The following ABCD3 variants were observed in gnomAD, a reference collection of about 807,000 sequenced individuals.
The protein encoded by ABCD3 is ATP binding cassette subfamily D member 3.
A neutral mutation model predicts 105.5 loss-of-function variants in ABCD3; 41 were observed. The ratio of observed to expected loss-of-function variants is 0.39; its 90% confidence interval spans 0.30 to 0.50. The LOEUF is 0.50. Ranked by LOEUF, ABCD3 falls within the 20% of genes least tolerant of loss-of-function variation. The pLI is 0.84. For missense variants in ABCD3, 622 were observed against 806.3 expected, an observed-to-expected ratio of 0.77 and a Z score of 2.77; for synonymous variants, 258 against 269.0, an observed-to-expected ratio of 0.96 and a Z score of 0.40.
chr1:94,391,565 C>A, the ABCD3 span, among the ~76,000 whole-genome samples: 1 of 151,934 alleles, frequency 6.6e-6, no homozygotes, highest in Admixed American at 6.6e-5. Context: ...GCAATATCTT[C>A]TGTCAAGCCC....
chr1:94,515,701 ATTAC>A (rs775525890), intron 22 of ABCD3, among the ~76,000 whole-genome samples: 7 of 151,962 alleles, frequency 4.6e-5, no homozygotes, highest in Non-Finnish European at 1.0e-4. Context: ...GTGCACGTGT[ATTAC>A]TTATTCTGGT....
At chr1:94,481,063 G>C (rs1176489943) in intron 9 of ABCD3, among the ~76,000 whole-genome samples, 1 of 152,158 alleles carries the variant, frequency 6.6e-6, no homozygotes, top group Non-Finnish European at 1.5e-5. Context: ...TTTGGAGCCA[G>C]CCATACTAGC....
chr1:94,510,475 G>T (rs955920979), intron 21 of ABCD3, among the ~76,000 whole-genome samples: 7 of 152,142 alleles, frequency 4.6e-5, no homozygotes, highest in African/African-American at 1.4e-4. Context: ...TGTTGATTTG[G>T]GGTGGAGAGT....
intron 1 of ABCD3, among the ~76,000 whole-genome samples, chr1:94,454,058 A>T (rs1647414814): frequency 6.6e-6 from 1 of 151,862 alleles, no homozygotes; most frequent in Non-Finnish European, 1.5e-5. Context: ...GGGCATGCAT[A>T]TGTGTATGTA....
At chr1:94,430,023 T>A (rs1179410850) in intron 1 of ABCD3, among the ~76,000 whole-genome samples, 2 of 152,214 alleles carry the variant, frequency 1.3e-5, no homozygotes, top group African/African-American at 4.8e-5. Context: ...CCCAAGACCA[T>A]GGGAACCCAC....
At chr1:94,480,163 C>T (rs373080956) in intron 8 of ABCD3, 14 of 381,842 alleles carry the variant, frequency 3.7e-5, no homozygotes, top group East Asian at 1.6e-4. Context: ...AGAAGAGTTC[C>T]AACAGGAGAG....
At chr1:94,478,797 A>G in intron 8 of ABCD3, 1 of 579,540 alleles carries the variant, frequency 1.7e-6, no homozygotes, top group East Asian at 4.4e-5. Context: ...ATGAAATTCT[A>G]ATGTTAAAAT....
At chr1:94,471,168 A>G (rs1240679618) in intron 4 of ABCD3, among the ~76,000 whole-genome samples, 1 of 152,156 alleles carries the variant, frequency 6.6e-6, no homozygotes, top group Non-Finnish European at 1.5e-5. Flanking sequence ...TAATTATGAA[A>G]TTTTAAAAAA....
At chr1:94,481,150 A>G (rs1004323219) in intron 9 of ABCD3, among the ~76,000 whole-genome samples, 5 of 152,212 alleles carry the variant, frequency 3.3e-5, no homozygotes, top group African/African-American at 1.2e-4. Context: ...ACTTTTGTTT[A>G]TAATAGGTAG....
At chr1:94,431,042 T>C (rs1458314106) in intron 1 of ABCD3, among the ~76,000 whole-genome samples, 1 of 152,222 alleles carries the variant, frequency 6.6e-6, no homozygotes, top group Non-Finnish European at 1.5e-5. Context: ...CTTACAATGA[T>C]GGCATTTAGC....
intron 4 of ABCD3, among the ~76,000 whole-genome samples, chr1:94,468,716 A>G (rs938536417): frequency 1.3e-5 from 2 of 152,210 alleles, no homozygotes; most frequent in African/African-American, 2.4e-5. Context: ...TTAATCTAAA[A>G]TAACTTTTTG....
intron 21 of ABCD3, among the ~76,000 whole-genome samples, chr1:94,511,005 A>T (rs1650642695): frequency 6.6e-6 from 1 of 151,106 alleles, no homozygotes; most frequent in East Asian, 2.0e-4. Context: ...AAAGTTAATA[A>T]TGTTATGTGT....
chr1:94,480,261 G>A (rs1317819659), intron 8 of ABCD3: 4 of 609,082 alleles, frequency 6.6e-6, no homozygotes, highest in Admixed American at 2.9e-5. Flanking sequence ...AGCTACAGTG[G>A]TAAGAGGAAA....
intron 2 of ABCD3, 145 bp from the exon 3 acceptor site, chr1:94,464,630 G>C: frequency 1.4e-6 from 1 of 718,228 alleles, no homozygotes; most frequent in East Asian, 2.5e-5. Context: ...AATATGAGGA[G>C]CAGTGTAAGT....
intron 4 of ABCD3, among the ~76,000 whole-genome samples, chr1:94,472,590 A>G (rs978163534): frequency 6.6e-6 from 1 of 152,128 alleles, no homozygotes; most frequent in Non-Finnish European, 1.5e-5. Context: ...GAAATGTTTC[A>G]TGCTACAAAC....
chr1:94,514,491 C>T (rs968054460), intron 21 of ABCD3: 3 of 151,402 alleles, frequency 2.0e-5, no homozygotes, highest in Admixed American at 6.6e-5. Context: ...TACGTATTCA[C>T]AATCTGAAAT....
At chr1:94,446,241 C>T (rs1660341790) in intron 1 of ABCD3, among the ~76,000 whole-genome samples, 1 of 152,226 alleles carries the variant, frequency 6.6e-6, no homozygotes, top group African/African-American at 2.4e-5. Context: ...TTCCCTCACC[C>T]CTGGGCAATG....
At chr1:94,403,447 AATTC>A in the ABCD3 span, among the ~76,000 whole-genome samples, 2 of 152,162 alleles carry the variant, frequency 1.3e-5, no homozygotes, top group African/African-American at 4.8e-5. Context: ...TCCTCATCAA[AATTC>A]ACTCCTAGCT....
At chr1:94,399,495 G>T in the ABCD3 span, among the ~76,000 whole-genome samples, 2 of 152,126 alleles carry the variant, frequency 1.3e-5, no homozygotes, top group Non-Finnish European at 2.9e-5. Context: ...CGTTCCCAGA[G>T]GTAACCAGTA....
Sources: gnomAD v4.1 joint callset for allele counts (sites outside exome capture counted in the v4.1 genomes callset) on GRCh38, gnomAD v4.1.1 for gene constraint, MANE v1.5 for transcripts, NCBI Gene and HGNC (gene_info 2026-07-23, HGNC 2026-07-21) for gene names.